CTSO: variants seen among roughly 807,000 people sequenced by gnomAD.
CTSO encodes cathepsin O.
In CTSO, 40 loss-of-function variants were observed where a neutral mutation model predicts 42.4. The ratio of observed to expected loss-of-function variants is 0.94; its 90% CI spans 0.73 to 1.23. CTSO has a LOEUF of 1.23. CTSO is among the 50% of genes most tolerant of loss of function. CTSO has a pLI of 0.00. For missense variants in CTSO, 441 were observed against 396.0 expected, an observed-to-expected ratio of 1.11 and a Z score of -0.96; for synonymous variants, 156 against 146.2, an observed-to-expected ratio of 1.07 and a Z score of -0.48.
rs1337047506 is a variant in CTSO at position 155,937,321 on chromosome 4, A to G, written c.674+41T>C. The stretch of plus-strand genomic sequence containing the variant: ...TTAACCAGTCAATAGATCATAAATT[A>G]AAAATGTATAAAGAAAAACATAATA... On this transcript the variant is annotated intron_variant, in intron 5 of 7. Transcript: ENST00000433477. 2.7e-6 allele frequency: 4 copies of G among 1,501,782 alleles called. No individual in the cohort carries two copies. The African/African-American group carries it at 4.2e-5, about 16-fold the overall frequency. The allele number at this position is 1,501,782 out of a possible 1,614,324, so 93.0% of individuals were successfully genotyped here. A position where few individuals can be genotyped will look rare whatever the true frequency, so the allele number is the denominator to read the frequency against.
Position 155,953,761 on chromosome 4 carries a change from G to C in CTSO, c.87C>G (p.Phe29Leu). ...GGGDADSRAP[F>L]TPTWPRSRER... ...CGCGGCTCCGCGGCCAGGTCGGGGT[G>C]AAGGGGGCGCGGGAGTCCGCATCGC... The change falls in exon 1 of 8, where the codon TTC becomes TTG. Residue 29 changes from phenylalanine to leucine, a missense_variant. By Grantham distance (22) the Phe-to-Leu change is conservative. Coordinates refer to ENST00000433477, the MANE Select transcript of CTSO (RefSeq NM_001334.3). 1.5e-6 allele frequency: 2 copies of C among 1,320,754 alleles called. No homozygotes were observed. Among genetic ancestry groups the C allele is most frequent in the Non-Finnish European group, 1.9e-6 (2 of 1,033,812 alleles). The allele number at this position is 1,320,754 out of a possible 1,614,324, so 81.8% of individuals were successfully genotyped here.
intron 5 of CTSO, among the ~76,000 whole-genome samples, chr4:155,933,759 T>C (rs538939213): frequency 6.6e-6 from 1 of 152,286 alleles, no homozygotes; most frequent in South Asian, 2.1e-4. Context: ...GCCCTAGAGA[T>C]TTGTGGAACT....
chr4:155,927,096 CT>C (rs573730144), intron 7 of CTSO, among the ~76,000 whole-genome samples: 25 of 152,192 alleles, frequency 1.6e-4, no homozygotes, highest in Admixed American at 7.2e-4. Flanking sequence ...GTGATGTTGA[CT>C]TTTTTCAATG....
chr4:155,948,595 G>A (rs1743589672), intron 1 of CTSO, among the ~76,000 whole-genome samples: 1 of 152,180 alleles, frequency 6.6e-6, no homozygotes, highest in Non-Finnish European at 1.5e-5. Context: ...AACAGAGGAT[G>A]GGTTCAGTCT....
Position 155,953,631 on chromosome 4 carries a change from CG to C in CTSO, c.135+81del, listed in dbSNP as rs1198189215. On this transcript the variant is annotated intron_variant, in intron 1 of 7. Transcript: ENST00000433477. The stretch of plus-strand genomic sequence containing the variant: ...GGTGCCCACGAGCAGGGTCAGCTCT[CG>C]GGGGCCCTCTTCCGCAGCCCAGACC... 6.5e-6 allele frequency: 8 copies of C among 1,226,854 alleles called. No individual in the cohort carries two copies. The Admixed American group carries it at 1.3e-4, about 20-fold the overall frequency. The allele number at this position is 1,226,854 out of a possible 1,614,324, so 76.0% of individuals were successfully genotyped here.
At chr4:155,927,518 C>T (rs777393004) in intron 7 of CTSO, among the ~76,000 whole-genome samples, 1 of 152,078 alleles carries the variant, frequency 6.6e-6, no homozygotes, top group South Asian at 2.1e-4. Context: ...GCCTGTAATC[C>T]CAGCACTTTG....
intron 1 of CTSO, 25 bp downstream of exon 1, chr4:155,953,688 T>G: frequency 1.6e-6 from 2 of 1,257,748 alleles, no homozygotes; most frequent in Non-Finnish European, 2.0e-6. Flanking sequence ...CAGGGACAGA[T>G]CCCGGGGAGG....
At position 155,937,488 on chromosome 4, in the gene CTSO, A is replaced by G; in HGVS notation, c.553-5T>C. 1 of 1,612,340 alleles carries G rather than the reference A, an allele frequency of 6.2e-7. No individual in the cohort carries two copies. The highest frequency in any genetic ancestry group is 8.5e-7 in the Non-Finnish European group (1 of 1,178,830). On this transcript the variant is annotated splice_region_variant and splice_polypyrimidine_tract_variant and intron_variant, in intron 4 of 7. Coordinates refer to ENST00000433477, the MANE Select transcript of CTSO (RefSeq NM_001334.3). ...TTTCACCAGTTTTACTTGCATCTAAAAGAAAACAATCACTGAACATGTTTA... is the reference window on the plus strand; with the variant it reads ...TTTCACCAGTTTTACTTGCATCTAAGAGAAAACAATCACTGAACATGTTTA...
intron 4 of CTSO, 82 bp downstream of exon 4, chr4:155,939,289 G>A (rs1445047490): frequency 4.8e-6 from 6 of 1,239,314 alleles, no homozygotes; most frequent in Non-Finnish European, 6.7e-6. Context: ...TAATATATGT[G>A]AACAAACTGT....
At chr4:155,937,256 C>T (rs953717652) in intron 5 of CTSO, 106 bp downstream of exon 5, 4 of 740,158 alleles carry the variant, frequency 5.4e-6, no homozygotes, top group African/African-American at 1.8e-5. Flanking sequence ...GTATGTTTTA[C>T]AAGGATTAAG....
chr4:155,945,160 G>A (rs1743518352), intron 1 of CTSO, among the ~76,000 whole-genome samples: 1 of 151,984 alleles, frequency 6.6e-6, no homozygotes, highest in Non-Finnish European at 1.5e-5. Flanking sequence ...AGGGGGCTGA[G>A]GCAGGAGAAT....
At chr4:155,953,476 C>T (rs750574075) in intron 1 of CTSO, among the ~76,000 whole-genome samples, 8 of 152,220 alleles carry the variant, frequency 5.3e-5, no homozygotes, top group South Asian at 2.1e-4. Context: ...AGCGACAAAT[C>T]TCTTCTGGAA....
intron 1 of CTSO, among the ~76,000 whole-genome samples, chr4:155,944,118 C>T (rs1743492050): frequency 6.6e-6 from 1 of 152,072 alleles, no homozygotes; most frequent in Non-Finnish European, 1.5e-5. Flanking sequence ...TGTCTTATTC[C>T]TTATGGTGAG....
At position 155,939,382 on chromosome 4, in the gene CTSO, A is replaced by T. The variant is rs1262822832; in HGVS notation, c.541T>A (p.Trp181Arg). 3 of 1,608,614 alleles carry T rather than the reference A, an allele frequency of 1.9e-6. No homozygotes were observed. The Admixed American group carries it at 5.0e-5, about 27-fold the overall frequency. ...NGGSTLNALNWLNKMQVKLVK... is the reference protein window; with the variant it reads ...NGGSTLNALNRLNKMQVKLVK... The stretch of plus-strand genomic sequence containing the variant: ...GAGAGACTAGTCACCTTGTTTAACC[A>T]GTTCAAAGCATTGAGAGTAGAGCCT... The change falls in exon 4 of 8, where the codon TGG becomes AGG. Residue 181 changes from tryptophan (W) to arginine (R), a missense_variant. Physicochemically the swap from Trp to Arg is moderately radical, Grantham distance 101. Coordinates refer to ENST00000433477, the MANE Select transcript of CTSO (RefSeq NM_001334.3).
chr4:155,949,509 T>A (rs1371395974), intron 1 of CTSO, among the ~76,000 whole-genome samples: 2 of 152,214 alleles, frequency 1.3e-5, no homozygotes, highest in African/African-American at 4.8e-5. Context: ...CAGAGACACC[T>A]AAGGTACTTT....
At chr4:155,942,512 T>A in intron 2 of CTSO, 56 bp from the exon 3 acceptor site, 1 of 784,936 alleles carries the variant, frequency 1.3e-6, no homozygotes, top group Non-Finnish European at 1.7e-6. Flanking sequence ...ATATATTATA[T>A]TATATATATC....
At chr4:155,937,315 T>C (rs1297695240) in intron 5 of CTSO, 47 bp downstream of exon 5, 2 of 1,479,952 alleles carry the variant, frequency 1.4e-6, no homozygotes, top group East Asian at 4.6e-5. Context: ...CAATAGATCA[T>C]AAATTAAAAA....
At chr4:155,933,436 A>G (rs1743270539) in intron 5 of CTSO, among the ~76,000 whole-genome samples, 1 of 152,138 alleles carries the variant, frequency 6.6e-6, no homozygotes, top group Non-Finnish European at 1.5e-5. Flanking sequence ...AAATGGACTC[A>G]TAGTAAATTG....
intron 7 of CTSO, among the ~76,000 whole-genome samples, chr4:155,926,970 G>C (rs1743139664): frequency 6.6e-6 from 1 of 152,192 alleles, no homozygotes; most frequent in African/African-American, 2.4e-5. Flanking sequence ...TCAGCAGCAA[G>C]GGTTAATGAT....
Sources: allele counts gnomAD v4.1 joint callset (sites outside exome capture counted in the v4.1 genomes callset), GRCh38; gene constraint gnomAD v4.1.1; transcripts MANE v1.5; gene names NCBI Gene and HGNC (gene_info 2026-07-23, HGNC 2026-07-21).